TPD52: variants seen among roughly 807,000 people sequenced by gnomAD.
TPD52 encodes the protein prostate and colon associated protein.
Under a neutral mutation model 31.3 loss-of-function variants are expected in TPD52, and 17 were observed. The ratio of observed to expected loss-of-function variants is 0.54; its 90% CI spans 0.37 to 0.82. The LOEUF is 0.82. Among genes scored for constraint, TPD52 ranks in the 40% least tolerant of loss-of-function variants. TPD52 has a pLI of 0.00. For synonymous variants in TPD52, 83 were observed against 89.6 expected (o/e 0.93, Z 0.42); for missense variants, 212 against 240.1 (o/e 0.88, Z 0.77).
At chr8:80,165,849 T>C (rs957801382) in intron 1 of TPD52, among the ~76,000 whole-genome samples, 3 of 151,372 alleles carry the variant, frequency 2.0e-5, no homozygotes, top group African/African-American at 7.3e-5. Context: ...ATCTATCTCA[T>C]GTTGGTTTAA....
chr8:80,064,149 A>C (rs2130684402), intron 2 of TPD52, among the ~76,000 whole-genome samples: 1 of 152,250 alleles, frequency 6.6e-6, no homozygotes, highest in South Asian at 2.1e-4. Context: ...AGGGTAGAAC[A>C]AAGTCACTGA....
chr8:80,033,641 C>T (rs1385471526), downstream of TPD52, among the ~76,000 whole-genome samples: 3 of 152,110 alleles, frequency 2.0e-5, no homozygotes, highest in Non-Finnish European at 4.4e-5. Flanking sequence ...TTCAGCAGGT[C>T]CTGAGTTCTT....
At chr8:80,054,093 C>T (rs1254329210) in intron 2 of TPD52, among the ~76,000 whole-genome samples, 1 of 152,174 alleles carries the variant, frequency 6.6e-6, no homozygotes, top group African/African-American at 2.4e-5. Flanking sequence ...TGGGCCCTGA[C>T]CCATGGACAG....
chr8:80,051,217 C>A, intron 4 of TPD52: 2 of 394,192 alleles, frequency 5.1e-6, no homozygotes, highest in Non-Finnish European at 9.2e-6. Context: ...AGGCTCTGCC[C>A]ACAATCACAA....
chr8:80,065,263 A>ACC (rs1456907943), intron 1 of TPD52, among the ~76,000 whole-genome samples: 4 of 94,690 alleles, frequency 4.2e-5, no homozygotes, highest in Non-Finnish European at 9.5e-5. Flanking sequence ...GATTATATCT[A>ACC]TCTATATATA....
intron 5 of TPD52, among the ~76,000 whole-genome samples, chr8:80,050,025 T>C (rs747470049): frequency 6.6e-6 from 1 of 151,992 alleles, no homozygotes; most frequent in African/African-American, 2.4e-5. Context: ...AGGCAGTACA[T>C]ATGCAGTCTG....
chr8:80,121,327 C>G (rs1808243041), intron 1 of TPD52, among the ~76,000 whole-genome samples: 2 of 152,048 alleles, frequency 1.3e-5, no homozygotes, highest in African/African-American at 4.8e-5. Flanking sequence ...GTGACAGGAG[C>G]CCCCAGTAAA....
At chr8:80,058,363 T>TA (rs1401546855) in intron 2 of TPD52, among the ~76,000 whole-genome samples, 1 of 152,210 alleles carries the variant, frequency 6.6e-6, no homozygotes, top group Non-Finnish European at 1.5e-5. Context: ...TAATATAAAT[T>TA]AAAAATGAGC....
chr8:80,148,715 C>T (rs1810373446), intron 1 of TPD52, among the ~76,000 whole-genome samples: 1 of 152,070 alleles, frequency 6.6e-6, no homozygotes, highest in Admixed American at 6.6e-5. Context: ...ATCAGTTACT[C>T]CAATTTCAAG....
At chr8:80,049,730 C>T (rs1811180342) in intron 5 of TPD52, among the ~76,000 whole-genome samples, 1 of 152,202 alleles carries the variant, frequency 6.6e-6, no homozygotes, top group African/African-American at 2.4e-5. Context: ...AAGGTTTCCT[C>T]AACATCACAA....
At chr8:80,132,770 G>A (rs550559520) in intron 1 of TPD52, among the ~76,000 whole-genome samples, 1 of 152,286 alleles carries the variant, frequency 6.6e-6, no homozygotes, top group Admixed American at 6.5e-5. Flanking sequence ...TCTAAAAGCA[G>A]ACGTCCTTTT....
intron 1 of TPD52, among the ~76,000 whole-genome samples, chr8:80,121,138 G>A (rs748866538): frequency 6.6e-6 from 1 of 151,440 alleles, no homozygotes; most frequent in Non-Finnish European, 1.5e-5. Flanking sequence ...TATTTATGTT[G>A]GTTTTCCCTT....
intron 2 of TPD52, among the ~76,000 whole-genome samples, chr8:80,058,256 G>A (rs926093687): frequency 3.9e-5 from 6 of 152,036 alleles, no homozygotes; most frequent in Admixed American, 6.6e-5. Context: ...ATCCTAAAGC[G>A]CTAATTAAAG....
intron 1 of TPD52, among the ~76,000 whole-genome samples, chr8:80,083,340 G>A (rs560420456): frequency 6.6e-6 from 1 of 152,152 alleles, no homozygotes; most frequent in Non-Finnish European, 1.5e-5. Context: ...TCCCAGCAAG[G>A]AGGAGAAAGC....
intron 7 of TPD52, among the ~76,000 whole-genome samples, chr8:80,041,519 A>G (rs1248731203): frequency 6.6e-6 from 1 of 152,198 alleles, no homozygotes; most frequent in African/African-American, 2.4e-5. Context: ...TGGGTTTTAT[A>G]CAAACTCCGT....
At chr8:80,045,218 C>T (rs771240250) in intron 5 of TPD52, among the ~76,000 whole-genome samples, 28 of 152,250 alleles carry the variant, frequency 1.8e-4, no homozygotes, top group Non-Finnish European at 5.9e-5. Context: ...TTTGATAATT[C>T]TTTTCCTACT....
chr8:80,053,529 T>G, intron 2 of TPD52, 99 bp from the exon 3 acceptor site: 1 of 1,254,524 alleles, frequency 8.0e-7, no homozygotes, highest in East Asian at 2.4e-5. Context: ...TCATTAAACA[T>G]TTTTTTGAAT....
chr8:80,072,781 A>G (rs980505667), intron 1 of TPD52, among the ~76,000 whole-genome samples: 3 of 146,336 alleles, frequency 2.1e-5, no homozygotes, highest in Admixed American at 6.6e-5. Flanking sequence ...ATATATATAC[A>G]CATACACACA....
chr8:80,141,001 A>G (rs1328329129), intron 1 of TPD52, among the ~76,000 whole-genome samples: 1 of 149,222 alleles, frequency 6.7e-6, no homozygotes, highest in African/African-American at 2.5e-5. Flanking sequence ...AGTATCAATC[A>G]TGACATTATG....
Sources: allele counts gnomAD v4.1 joint callset (sites outside exome capture counted in the v4.1 genomes callset), GRCh38; gene constraint gnomAD v4.1.1; transcripts MANE v1.5; gene names NCBI Gene and HGNC (gene_info 2026-07-23, HGNC 2026-07-21).